CNTN6: variants seen among roughly 807,000 people sequenced by gnomAD.
CNTN6 encodes the protein contactin-6.
In CNTN6, 137 loss-of-function variants were observed where a neutral mutation model predicts 122.8. That is an observed-to-expected ratio of 1.12 (90% CI 0.97 to 1.29). The LOEUF (loss-of-function observed/expected upper bound fraction) is 1.29, where lower values mean the gene tolerates loss of function less well. Ranked by LOEUF, CNTN6 falls within the 50% of genes most tolerant of loss-of-function variation. CNTN6 has a pLI of 0.00. For missense variants in CNTN6, 1,634 were observed against 1,223.4 expected (o/e 1.34, Z -5.01); for synonymous variants, 570 against 426.0 (o/e 1.34, Z -4.16).
chr3:1,238,808 A>G (rs933682400), intron 4 of CNTN6, among the ~76,000 whole-genome samples: 2 of 152,304 alleles, frequency 1.3e-5, no homozygotes, highest in Middle Eastern at 3.4e-3. Context: ...CCAGGCAAAT[A>G]CATGGAAATT....
chr3:1,289,811 A>C (rs542076180), intron 5 of CNTN6, among the ~76,000 whole-genome samples: 2 of 151,696 alleles, frequency 1.3e-5, no homozygotes, highest in South Asian at 2.1e-4. Context: ...AGCAGCTGGG[A>C]CTACAGGTGC....
rs180832971 is a variant in CNTN6, at chr3:1,094,552, A to G, written c.-83+1432A>G. Among the ~76,000 whole-genome samples the G allele has an allele frequency of 4.5e-3, 682 of 152,280 alleles. 3 individuals carry two copies. Among genetic ancestry groups the G allele is most frequent in the African/African-American group, 0.016 (650 of 41,578 alleles). On this transcript the variant is annotated intron_variant, in intron 1 of 22. Transcript: ENST00000446702. ...CAAAAAAGTCAATCATTTATAAATG[A>G]CTTCATTGCATTACTTCCTTTGAAT...
intron 2 of CNTN6, among the ~76,000 whole-genome samples, chr3:1,194,060 A>G (rs148499471): frequency 2.3e-3 from 356 of 152,260 alleles, no homozygotes; most frequent in Non-Finnish European, 4.0e-3. Context: ...CAACCAAAGT[A>G]GACATGACAC....
intron 4 of CNTN6, among the ~76,000 whole-genome samples, chr3:1,262,692 T>G (rs868814180): frequency 3.3e-5 from 5 of 152,168 alleles, no homozygotes; most frequent in Non-Finnish European, 4.4e-5. Context: ...TAGGTCATAC[T>G]TTTTGGGATT....
At chr3:1,241,747 G>A (rs935707043) in intron 4 of CNTN6, among the ~76,000 whole-genome samples, 1 of 152,160 alleles carries the variant, frequency 6.6e-6, no homozygotes, top group Non-Finnish European at 1.5e-5. Flanking sequence ...AATATGCAGA[G>A]TCCTCCTTTT....
chr3:1,217,586 G>C (rs746827948), intron 2 of CNTN6, among the ~76,000 whole-genome samples: 44 of 152,172 alleles, frequency 2.9e-4, no homozygotes, highest in Non-Finnish European at 6.5e-4. Flanking sequence ...CAGTGGCTTG[G>C]GGTGATGTTT....
intron 4 of CNTN6, among the ~76,000 whole-genome samples, chr3:1,230,190 C>A (rs2094336735): frequency 6.6e-6 from 1 of 152,132 alleles, no homozygotes; most frequent in South Asian, 2.1e-4. Flanking sequence ...ATAACCACAG[C>A]AGATAAATGC....
At chr3:1,155,667 A>G (rs17034423) in intron 2 of CNTN6, among the ~76,000 whole-genome samples, 24,425 of 152,062 alleles carry the variant, frequency 0.16, 2,940 homozygotes, top group African/African-American at 0.32. Flanking sequence ...GGTAGCAAAT[A>G]CACGTTGACT....
At chr3:1,149,813 C>T (rs2092800807) in intron 2 of CNTN6, among the ~76,000 whole-genome samples, 1 of 152,170 alleles carries the variant, frequency 6.6e-6, no homozygotes, top group African/African-American at 2.4e-5. Flanking sequence ...TCAACATTAA[C>T]ATTTTGCCCT....
intron 20 of CNTN6, among the ~76,000 whole-genome samples, chr3:1,395,625 C>G (rs965332640): frequency 2.0e-5 from 3 of 152,156 alleles, no homozygotes; most frequent in Non-Finnish European, 4.4e-5. Context: ...CCACCTGAAT[C>G]ATCCAAGATT....
At chr3:1,300,498 G>GGA (rs1559754281) in intron 7 of CNTN6, among the ~76,000 whole-genome samples, 3 of 95,388 alleles carry the variant, frequency 3.1e-5, no homozygotes, top group Admixed American at 1.1e-4. Flanking sequence ...GAAGGAAAAA[G>GGA]AAAAGAAAGA....
intron 4 of CNTN6, among the ~76,000 whole-genome samples, chr3:1,273,679 AACT>A (rs1329019398): frequency 6.6e-6 from 1 of 152,224 alleles, no homozygotes; most frequent in Non-Finnish European, 1.5e-5. Context: ...AAAACCTGTG[AACT>A]ACTAACATTT....
intron 5 of CNTN6, among the ~76,000 whole-genome samples, chr3:1,289,966 G>A (rs1389548453): frequency 2.6e-5 from 4 of 152,012 alleles, no homozygotes; most frequent in African/African-American, 4.8e-5. Context: ...GAGCCAATGC[G>A]CCCGGCGAGT....
chr3:1,221,640 T>C (rs2094209102), intron 3 of CNTN6, among the ~76,000 whole-genome samples: 1 of 152,206 alleles, frequency 6.6e-6, no homozygotes, highest in South Asian at 2.1e-4. Context: ...TTCTTATTTA[T>C]CAAGTTGTAG....
intron 4 of CNTN6, among the ~76,000 whole-genome samples, chr3:1,272,435 C>G (rs1257208006): frequency 6.6e-6 from 1 of 152,048 alleles, no homozygotes; most frequent in African/African-American, 2.4e-5. Context: ...ATCAGAGCAT[C>G]TGACATATAA....
At position 1,238,071 on chromosome 3, in the gene CNTN6, G is replaced by A. The variant is rs116196883; in HGVS notation, c.358+10078G>A. Among the ~76,000 whole-genome samples the A allele has an allele frequency of 2.6e-5, 4 of 151,676 alleles. No individual in the cohort carries two copies. The South Asian group carries it at 8.3e-4, about 32-fold the overall frequency. On this transcript the variant is annotated intron_variant, in intron 4 of 22. Transcript: ENST00000446702. ...AGGCAACAAAATAGCACGGTGAATA[G>A]AATAGTACCTCACATCTCAATACTA... is the stretch of plus-strand genomic sequence containing the variant.
intron 7 of CNTN6, among the ~76,000 whole-genome samples, chr3:1,302,488 A>AAG (rs1000526962): frequency 6.6e-6 from 1 of 152,094 alleles, no homozygotes; most frequent in African/African-American, 2.4e-5. Context: ...AGATGGGGGA[A>AAG]AGAGAGAGAG....
At chr3:1,361,318 T>C (rs1274742388) in intron 12 of CNTN6, among the ~76,000 whole-genome samples, 1 of 152,128 alleles carries the variant, frequency 6.6e-6, no homozygotes, top group Non-Finnish European at 1.5e-5. Context: ...TTCTAGAAGC[T>C]ACAATGTTGC....
chr3:1,251,260 T>A (rs12487216), intron 4 of CNTN6, among the ~76,000 whole-genome samples: 6,228 of 152,164 alleles, frequency 0.041, 175 homozygotes, highest in Admixed American at 0.057. Context: ...ATGTCTAAAG[T>A]TGCCAGTTCC....
Sources: gnomAD v4.1 joint callset for allele counts (sites outside exome capture counted in the v4.1 genomes callset) on GRCh38, gnomAD v4.1.1 for gene constraint, MANE v1.5 for transcripts, NCBI Gene and HGNC (gene_info 2026-07-23, HGNC 2026-07-21) for gene names.